SGCD: variants seen among roughly 807,000 people sequenced by gnomAD.
SGCD encodes the protein delta-sarcoglycan.
SGCD carries 18 observed loss-of-function variants against 36.6 expected under a neutral mutation model. The ratio of observed to expected loss-of-function variants is 0.49; its 90% CI spans 0.34 to 0.73. The LOEUF is 0.73. Ranked by LOEUF, SGCD falls within the 30% of genes least tolerant of loss-of-function variation. The pLI is 0.01. For missense variants in SGCD, 387 were observed against 346.7 expected (o/e 1.12, Z -0.92); for synonymous variants, 133 against 130.6 (o/e 1.02, Z -0.12).
At chr5:155,994,320 T>A (rs960961897) in intron 1 of SGCD, among the ~76,000 whole-genome samples, 6 of 152,208 alleles carry the variant, frequency 3.9e-5, no homozygotes, top group African/African-American at 1.4e-4. Context: ...GTTGTGAACA[T>A]TAAATGAGGT....
At chr5:156,717,466 A>C (rs1581454228) in intron 7 of SGCD, among the ~76,000 whole-genome samples, 1 of 152,066 alleles carries the variant, frequency 6.6e-6, no homozygotes, top group South Asian at 2.1e-4. Flanking sequence ...TTTTGGATAA[A>C]CTTATCTGCA....
At chr5:155,918,852 CCTCCATATGTCAG>C (rs61388285) in intron 1 of SGCD, among the ~76,000 whole-genome samples, 92 of 152,328 alleles carry the variant, frequency 6.0e-4, no homozygotes, top group African/African-American at 2.1e-3. Context: ...TCCCCCTTCT[CCTCCATATGTCAG>C]CTTCATAAAG....
chr5:156,747,740 G>T (rs553321788), intron 7 of SGCD, among the ~76,000 whole-genome samples: 2 of 152,228 alleles, frequency 1.3e-5, no homozygotes, highest in East Asian at 3.9e-4. Flanking sequence ...GTAGAAGGAA[G>T]TCATTACGTC....
chr5:156,049,189 T>C (rs1358549196), intron 1 of SGCD, among the ~76,000 whole-genome samples: 1 of 146,422 alleles, frequency 6.8e-6, no homozygotes, highest in African/African-American at 2.5e-5. Flanking sequence ...TCTATATCTC[T>C]GTTTTGGTAC....
intron 3 of SGCD, among the ~76,000 whole-genome samples, chr5:156,305,034 A>C (rs925626087): frequency 6.6e-6 from 1 of 152,188 alleles, no homozygotes; most frequent in African/African-American, 2.4e-5. Context: ...TAAAAGAAGT[A>C]GATCATAAAA....
At chr5:156,379,008 CCATTT>C (rs1268011095) in intron 3 of SGCD, among the ~76,000 whole-genome samples, 1 of 152,140 alleles carries the variant, frequency 6.6e-6, no homozygotes, top group Non-Finnish European at 1.5e-5. Flanking sequence ...GCATCTACTT[CCATTT>C]CATCTACTTA....
intron 6 of SGCD, among the ~76,000 whole-genome samples, chr5:156,614,985 A>G (rs1761966479): frequency 6.6e-6 from 1 of 152,216 alleles, no homozygotes; most frequent in Admixed American, 6.5e-5. Flanking sequence ...CCATGTTACA[A>G]AGGTCTCTGG....
rs536642301 is a variant in SGCD at position 156,268,011 on chromosome 5, C to T, written c.-43-61523C>T. On this transcript the variant is annotated intron_variant, in intron 3 of 9. Transcript: ENST00000517913. ...GCACCCTCCACCCTCACGTAGACCC[C>T]AGTGTCTGCTGTTCCCTTCTTTGTA... is the stretch of plus-strand genomic sequence containing the variant. 3.3e-5 allele frequency among the ~76,000 whole-genome samples: 5 copies of T among 152,298 alleles called. No individual in the cohort carries two copies. In the South Asian group the frequency reaches 1.0e-3, roughly 32 times the overall value.
chr5:156,227,058 T>C (rs780223804), intron 3 of SGCD, among the ~76,000 whole-genome samples: 21 of 152,152 alleles, frequency 1.4e-4, no homozygotes, highest in Non-Finnish European at 2.8e-4. Context: ...TGTGTGTTTA[T>C]TCTGCTGACG....
At chr5:156,578,511 C>G (rs1338977315) in intron 4 of SGCD, among the ~76,000 whole-genome samples, 1 of 152,150 alleles carries the variant, frequency 6.6e-6, no homozygotes, top group Non-Finnish European at 1.5e-5. Context: ...CTTTGTACCT[C>G]TGGAAGAATT....
At chr5:155,986,424 G>A (rs193238848) in intron 1 of SGCD, among the ~76,000 whole-genome samples, 3 of 152,290 alleles carry the variant, frequency 2.0e-5, no homozygotes, top group African/African-American at 7.2e-5. Flanking sequence ...GTGGGAAATA[G>A]TGACAACATG....
chr5:156,707,776 G>A (rs1399725202), intron 7 of SGCD, among the ~76,000 whole-genome samples: 1 of 152,110 alleles, frequency 6.6e-6, no homozygotes, highest in East Asian at 1.9e-4. Flanking sequence ...TTTCCCAAAT[G>A]AGAATTCTGT....
At chr5:156,144,741 A>C (rs183094133) in intron 3 of SGCD, among the ~76,000 whole-genome samples, 1 of 152,136 alleles carries the variant, frequency 6.6e-6, no homozygotes, top group African/African-American at 2.4e-5. Flanking sequence ...ATTTAGTTTA[A>C]TTAGATCCCA....
At chr5:155,813,181 G>A in the SGCD span, among the ~76,000 whole-genome samples, 4 of 152,002 alleles carry the variant, frequency 2.6e-5, no homozygotes, top group African/African-American at 4.8e-5. Context: ...AAACATATTG[G>A]ATAGGTGAGA....
intron 3 of SGCD, among the ~76,000 whole-genome samples, chr5:156,176,530 C>G (rs978142484): frequency 7.2e-5 from 11 of 151,914 alleles, no homozygotes; most frequent in Non-Finnish European, 1.3e-4. Flanking sequence ...GTTTCAGTAT[C>G]TTAGGTGTTT....
chr5:156,471,254 A>T (rs1401964065), intron 3 of SGCD, among the ~76,000 whole-genome samples: 1 of 152,190 alleles, frequency 6.6e-6, no homozygotes, highest in African/African-American at 2.4e-5. Flanking sequence ...TATAGTGTTA[A>T]TGCCGTCATG....
chr5:156,640,850 A>C (rs1337278233), intron 6 of SGCD, among the ~76,000 whole-genome samples: 1 of 152,206 alleles, frequency 6.6e-6, no homozygotes, highest in Non-Finnish European at 1.5e-5. Flanking sequence ...TTTGCATTAG[A>C]AGTTTATTAA....
intron 6 of SGCD, among the ~76,000 whole-genome samples, chr5:156,624,013 A>G (rs532379544): frequency 3.0e-4 from 46 of 152,304 alleles, no homozygotes; most frequent in East Asian, 1.4e-3. Context: ...GAGCAGAGAA[A>G]GGGTCCAGGG....
At chr5:155,914,343 T>G (rs1756694886) in intron 1 of SGCD, among the ~76,000 whole-genome samples, 1 of 152,132 alleles carries the variant, frequency 6.6e-6, no homozygotes, top group Non-Finnish European at 1.5e-5. Context: ...AGTTCTTACA[T>G]CCATTTAACA....
Sources: gnomAD v4.1 joint callset for allele counts (sites outside exome capture counted in the v4.1 genomes callset) on GRCh38, gnomAD v4.1.1 for gene constraint, MANE v1.5 for transcripts, NCBI Gene and HGNC (gene_info 2026-07-23, HGNC 2026-07-21) for gene names.